DNM2: variants seen among roughly 807,000 people sequenced by gnomAD.
DNM2 encodes the protein dynamin-2.
DNM2 carries 15 observed loss-of-function variants against 99.0 expected under a neutral mutation model. The ratio of observed to expected loss-of-function variants is 0.15; its 90% confidence interval spans 0.10 to 0.23. DNM2 has a LOEUF of 0.23. Ranked by LOEUF, DNM2 falls within the 10% of genes least tolerant of loss-of-function variation. The pLI is 1.00. For missense variants in DNM2, 742 were observed against 1,189.4 expected (o/e 0.62, Z 5.53); for synonymous variants, 525 against 481.2 (o/e 1.09, Z -1.19).
chr19:10,795,941 C>T lies in DNM2; in HGVS notation c.1196+502C>T. On this transcript the variant is annotated intron_variant, in intron 9 of 20. Coordinates refer to ENST00000389253, the MANE Select transcript of DNM2 (RefSeq NM_001005361.3). This position sits in a 1 kb window ranked among gnomAD's most constrained non-coding sequence, Gnocchi z 4.2. ...CGGGCAGTGGACTCAGGCATCCGAC[C>T]CCACACATGACACAACCTTCATTCC... is the stretch of plus-strand genomic sequence containing the variant. The T allele has an allele frequency of 7.1e-6, 11 of 1,546,386 alleles. No homozygotes were observed. The highest frequency in any genetic ancestry group is 9.7e-6 in the Non-Finnish European group (11 of 1,131,624).
intron 1 of DNM2, among the ~76,000 whole-genome samples, chr19:10,725,744 G>C (rs938730210): frequency 6.6e-6 from 1 of 152,014 alleles, no homozygotes. Flanking sequence ...CTTTTATCTG[G>C]GATCAGGACT....
At chr19:10,739,934 C>T (rs987485409) in intron 1 of DNM2, among the ~76,000 whole-genome samples, 4 of 147,680 alleles carry the variant, frequency 2.7e-5, no homozygotes, top group Admixed American at 1.4e-4. Context: ...CTTTGTGGGA[C>T]GTTTTTTGAA....
At position 10,795,549 on chromosome 19, in the gene DNM2, G is replaced by A. The variant is rs991618000; in HGVS notation, c.1196+110G>A. The A allele has an allele frequency of 7.8e-7, 1 of 1,286,738 alleles. No homozygotes were observed. The highest frequency in any genetic ancestry group is 1.1e-6 in the Non-Finnish European group (1 of 893,306). 79.7% of individuals were successfully genotyped at this position (1,286,738 alleles called of 1,614,324 possible). A position where few individuals can be genotyped will look rare whatever the true frequency, so the allele number is the denominator to read the frequency against. Reference sequence around the variant, plus strand: ...TCCCTAATCGTTAGGCCTTAAGAGGGCTCTTGGATGGTTTTCTGTAGCTGC... The same window carrying A: ...TCCCTAATCGTTAGGCCTTAAGAGGACTCTTGGATGGTTTTCTGTAGCTGC... On this transcript the variant is annotated intron_variant, in intron 9 of 20. Coordinates refer to ENST00000389253, the MANE Select transcript of DNM2 (RefSeq NM_001005361.3). This position sits in a 1 kb window ranked among gnomAD's most constrained non-coding sequence, Gnocchi z 4.2.
At position 10,816,776 on chromosome 19, in the gene DNM2, C is replaced by T. The variant is rs1390447904; in HGVS notation, c.1672-3204C>T. Among the ~76,000 whole-genome samples, 1 of 152,182 alleles carries T rather than the reference C, an allele frequency of 6.6e-6. No homozygotes were observed. The highest frequency in any genetic ancestry group is 1.5e-5 in the Non-Finnish European group (1 of 68,020). ...CCTTGGAGGAGCCTCTGGGCCTGAACCTCAGCCTGGCAGCTCTCTGCCTGG... is the reference window on the plus strand; with the variant it reads ...CCTTGGAGGAGCCTCTGGGCCTGAATCTCAGCCTGGCAGCTCTCTGCCTGG... On this transcript the variant is annotated intron_variant, in intron 15 of 20. Coordinates refer to ENST00000389253, the MANE Select transcript of DNM2 (RefSeq NM_001005361.3). This position sits in a 1 kb window ranked among gnomAD's most constrained non-coding sequence, Gnocchi z 4.6.
At chr19:10,776,034 A>C (rs2071141767) in intron 4 of DNM2, 128 bp downstream of exon 4, 1 of 1,187,300 alleles carries the variant, frequency 8.4e-7, no homozygotes, top group African/African-American at 1.5e-5. Flanking sequence ...GGCCTCCTGG[A>C]ACATGGCACT....
At chr19:10,723,321 C>T (rs1259875575) in intron 1 of DNM2, among the ~76,000 whole-genome samples, 2 of 151,992 alleles carry the variant, frequency 1.3e-5, no homozygotes, top group Admixed American at 6.6e-5. Context: ...TTAGTAGAGG[C>T]GGGGTTTTCC....
intron 15 of DNM2, among the ~76,000 whole-genome samples, chr19:10,813,158 C>T (rs886290508): frequency 2.0e-5 from 3 of 152,180 alleles, no homozygotes; most frequent in Non-Finnish European, 2.9e-5. Flanking sequence ...TGCTTGGCCA[C>T]AGTGTGCAGA....
chr19:10,796,152 C>T lies in DNM2; in HGVS notation c.1196+713C>T. On this transcript the variant is annotated intron_variant, in intron 9 of 20. Coordinates refer to ENST00000389253, the MANE Select transcript of DNM2 (RefSeq NM_001005361.3). The surrounding 1 kb of genome is among the most constrained non-coding windows in gnomAD (Gnocchi z 5.6). The stretch of plus-strand genomic sequence containing the variant: ...AGAGCCCTGTCTGAAATGTGTCGAC[C>T]TGGTTATCCAGGAGCTAATCAATAC... 2 of 1,614,198 alleles carry T rather than the reference C, an allele frequency of 1.2e-6. No individual in the cohort carries two copies. Among genetic ancestry groups the T allele is most frequent in the Non-Finnish European group, 1.7e-6 (2 of 1,180,038 alleles).
rs768068991 is a variant in DNM2 at position 10,812,186 on chromosome 19, TG to T, written c.1558-77del. ...TGCGGTCCCTGGCTTCCCACTGAGC[TG>T]TGGGCAAGGCTGCTGCGCTGGGGGA... On this transcript the variant is annotated intron_variant, in intron 14 of 20. Transcript: ENST00000389253. The surrounding 1 kb of genome is among the most constrained non-coding windows in gnomAD (Gnocchi z 4.0). 3.1e-6 allele frequency: 4 copies of T among 1,298,834 alleles called. No homozygotes were observed. Among genetic ancestry groups the T allele is most frequent in the African/African-American group, 3.0e-5 (2 of 67,508 alleles). The allele number at this position is 1,298,834 out of a possible 1,614,324, so 80.5% of individuals were successfully genotyped here. A position where few individuals can be genotyped will look rare whatever the true frequency, so the allele number is the denominator to read the frequency against.
chr19:10,747,396 A>C (rs2145795227), intron 1 of DNM2, among the ~76,000 whole-genome samples: 1 of 152,266 alleles, frequency 6.6e-6, no homozygotes, highest in South Asian at 2.1e-4. Context: ...GAATTGCCAC[A>C]GGTCACCTCC....
chr19:10,752,309 A>C (rs1457556379), intron 1 of DNM2, among the ~76,000 whole-genome samples: 1 of 152,202 alleles, frequency 6.6e-6, no homozygotes, highest in Non-Finnish European at 1.5e-5. Flanking sequence ...CATATTCCAC[A>C]CTACAAATAC....
In DNM2 at chr19:10,782,855, C is replaced by G; in HGVS notation, c.689-105C>G. ...AACATGTTATGACAGCTGTGAGTGC[C>G]TCGTGGGACAGGATCCATCTCTATA... On this transcript the variant is annotated intron_variant, in intron 5 of 20. Coordinates refer to ENST00000389253, the MANE Select transcript of DNM2 (RefSeq NM_001005361.3). 4.6e-6 allele frequency: 7 copies of G among 1,511,470 alleles called. No individual in the cohort carries two copies. In the South Asian group the frequency reaches 7.9e-5, roughly 17 times the overall value. 93.6% of individuals were successfully genotyped at this position (1,511,470 alleles called of 1,614,324 possible).
intron 1 of DNM2, among the ~76,000 whole-genome samples, chr19:10,750,562 C>T (rs2145810113): frequency 6.6e-6 from 1 of 152,178 alleles, no homozygotes; most frequent in Admixed American, 6.5e-5. Context: ...TTTGCCTGTA[C>T]CCTGGAGTTT....
chr19:10,726,826 G>A (rs2069132308), intron 1 of DNM2, among the ~76,000 whole-genome samples: 1 of 152,148 alleles, frequency 6.6e-6, no homozygotes, highest in Admixed American at 6.6e-5. Context: ...TTGCGCCGCT[G>A]CACTCCAGCC....
chr19:10,736,437 G>C (rs1351558029), intron 1 of DNM2, among the ~76,000 whole-genome samples: 1 of 152,174 alleles, frequency 6.6e-6, no homozygotes, highest in Non-Finnish European at 1.5e-5. Context: ...TAGCTTTATA[G>C]TAAGACTTGA....
rs375820696 is a variant in DNM2, at chr19:10,829,246, C to T, written c.2269C>T (p.Leu757Phe). 3.1e-6 allele frequency: 5 copies of T among 1,613,558 alleles called. No individual in the cohort carries two copies. In the African/African-American group the frequency reaches 5.3e-5, roughly 17 times the overall value. Residue 757 changes from leucine (L) to phenylalanine (F), a missense_variant, in exon 19 of 21, where the codon CTC (leucine) becomes TTC (phenylalanine). Physicochemically the swap from Leu to Phe is conservative, Grantham distance 22. This residue lies in a region of DNM2 where 187 missense variants were observed against 218.8 expected (regional missense o/e 0.85). Coordinates refer to ENST00000389253, the MANE Select transcript of DNM2 (RefSeq NM_001005361.3). ...ACCCCCGCCTGTCGATGACACCTGG[C>T]TCCAGAGCGCCAGCAGCCACAGGTC... The part of the protein sequence containing the change: ...PVPPPVDDTW[L>F]QSASSHSPTP...
At chr19:10,777,330 G>A (rs929415628) in intron 5 of DNM2, 114 bp downstream of exon 5, 38 of 969,856 alleles carry the variant, frequency 3.9e-5, no homozygotes, top group Non-Finnish European at 5.6e-5. Flanking sequence ...CCATTTCACC[G>A]TAACTCCTTC....
rs1390649517 is a variant in DNM2 at position 10,820,271 on chromosome 19, T to G, written c.1781+182T>G. 6.6e-6 allele frequency among the ~76,000 whole-genome samples: 1 copy of G among 152,176 alleles called. No homozygotes were observed. Among genetic ancestry groups the G allele is most frequent in the Admixed American group, 6.5e-5 (1 of 15,284 alleles). On this transcript the variant is annotated intron_variant, in intron 16 of 20. Transcript: ENST00000389253. This position sits in a 1 kb window ranked among gnomAD's most constrained non-coding sequence, Gnocchi z 4.3. The stretch of plus-strand genomic sequence containing the variant: ...TGCCAGGGATGCTTCCCGTGCTGGG[T>G]CAGAGATGACCTCTCTGGGCAGAGA...
intron 1 of DNM2, among the ~76,000 whole-genome samples, chr19:10,725,383 T>C (rs2069078955): frequency 1.3e-5 from 2 of 151,376 alleles, no homozygotes; most frequent in Non-Finnish European, 2.9e-5. Context: ...GAGGAGGAAC[T>C]TGCAGTAAGC....
Sources: allele counts gnomAD v4.1 joint callset (sites outside exome capture counted in the v4.1 genomes callset), GRCh38; gene constraint gnomAD v4.1.1; regional missense constraint gnomAD v4.1.1; non-coding constraint Gnocchi (gnomAD v3.1); transcripts MANE v1.5; gene names NCBI Gene and HGNC (gene_info 2026-07-23, HGNC 2026-07-21).